The following VPS13D variants were observed in gnomAD, a reference collection of about 807,000 sequenced individuals.
The protein encoded by VPS13D is intermembrane lipid transfer protein VPS13D.
Under a neutral mutation model 461.9 loss-of-function variants are expected in VPS13D, and 187 were observed. The observed-to-expected ratio is 0.40, with a 90% CI of 0.36 to 0.46. The LOEUF (loss-of-function observed/expected upper bound fraction) is 0.46. VPS13D is among the 20% of genes least tolerant of loss of function. The pLI, the probability that VPS13D is intolerant of heterozygous loss-of-function variation, is 0.60. For missense variants in VPS13D, 4,711 were observed against 5,364.9 expected (o/e 0.88, Z 3.81); for synonymous variants, 1,951 against 1,986.3 (o/e 0.98, Z 0.47).
At chr1:12,446,330 T>C (rs1202704138) in intron 65 of VPS13D, among the ~76,000 whole-genome samples, 1 of 151,806 alleles carries the variant, frequency 6.6e-6, no homozygotes, top group Non-Finnish European at 1.5e-5. Flanking sequence ...GGCAGGAGAA[T>C]TGCTTGACCC....
intron 20 of VPS13D, among the ~76,000 whole-genome samples, chr1:12,281,645 T>C (rs1056655972): frequency 1.3e-5 from 2 of 152,188 alleles, no homozygotes; most frequent in Non-Finnish European, 2.9e-5. Context: ...CTTTTTTCTC[T>C]CTTATTGATG....
intron 3 of VPS13D, 28 bp from the exon 4 acceptor site, chr1:12,244,218 G>T: frequency 6.3e-7 from 1 of 1,587,230 alleles, no homozygotes; most frequent in Non-Finnish European, 8.6e-7. Flanking sequence ...TGTACAGATG[G>T]TGAACAAGAC....
rs77178942 is a variant in VPS13D, at chr1:12,330,102, T to C, written c.8287+184T>C. On this transcript the variant is annotated intron_variant, in intron 37 of 69. Transcript: ENST00000620676. ...GATTTTCTGTTGTGCTAAAAACATA[T>C]CTGATATGTTGCAACTAAAAAGATG... is the stretch of plus-strand genomic sequence containing the variant. Among the ~76,000 whole-genome samples, 4,338 of 152,206 alleles carry C rather than the reference T, an allele frequency of 0.029. 113 individuals are homozygous for C. Among genetic ancestry groups the C allele is most frequent in the African/African-American group, 0.062 (2,579 of 41,544 alleles).
At chr1:12,363,329 TG>T in intron 52 of VPS13D, 82 bp downstream of exon 52, 2 of 1,429,132 alleles carry the variant, frequency 1.4e-6, no homozygotes, top group Non-Finnish European at 1.9e-6. Context: ...TTGTGTAAAA[TG>T]GGCACAAATA....
At position 12,473,980 on chromosome 1, in the gene VPS13D, G is replaced by A. The variant is rs1645596904; in HGVS notation, c.12662+13584G>A. ...CTTGCTCTGAACCCACTTGTGAAGA[G>A]CAGGTGACCCCAAACTATTGTTAGT... On this transcript the variant is annotated intron_variant, in intron 67 of 69. Coordinates refer to ENST00000620676, the MANE Select transcript of VPS13D (RefSeq NM_015378.4). This position sits in a 1 kb window ranked among gnomAD's most constrained non-coding sequence, Gnocchi z 4.2. Among the ~76,000 whole-genome samples the A allele has an allele frequency of 6.6e-6, 1 of 152,204 alleles. No individual in the cohort carries two copies. The highest frequency in any genetic ancestry group is 2.4e-5 in the African/African-American group (1 of 41,448).
chr1:12,304,853 A>T (rs1011051145), intron 26 of VPS13D, 125 bp downstream of exon 26: 1 of 952,064 alleles, frequency 1.1e-6, no homozygotes, highest in Non-Finnish European at 1.6e-6. Flanking sequence ...TTCTTTAACG[A>T]TGATGAGATT....
At position 12,383,039 on chromosome 1, in the gene VPS13D, A is replaced by C. The variant is rs768778350; in HGVS notation, c.11254A>C (p.Met3752Leu). ...AEVVLGPDTS[M>L]ELLGPVPPEQ... is the part of the protein sequence containing the mutation. ...AGTTGTTCTTGGTCCTGACACTTCC[A>C]TGGAGCTTTTGGGGCCAGTTCCACC... The change falls in exon 58 of 70, where the codon ATG (methionine) becomes CTG (leucine). Residue 3752 changes from methionine (M) to leucine (L), a missense_variant. This residue lies in a region of VPS13D where 4,411 missense variants were observed against 4,937.8 expected (regional missense o/e 0.89). Coordinates refer to ENST00000620676, the MANE Select transcript of VPS13D (RefSeq NM_015378.4). 1.1e-5 allele frequency: 17 copies of C among 1,614,182 alleles called. No homozygotes were observed. The South Asian group carries it at 1.8e-4, about 17-fold the overall frequency.
intron 62 of VPS13D, chr1:12,402,753 T>C (rs1272196212): frequency 6.6e-6 from 1 of 152,244 alleles, no homozygotes; most frequent in East Asian, 1.9e-4. Context: ...TTAAATTTGA[T>C]TCGACATGCT....
At chr1:12,478,715 A>T in intron 67 of VPS13D, 1 of 449,242 alleles carries the variant, frequency 2.2e-6, no homozygotes, top group Non-Finnish European at 4.5e-6. Context: ...CTCTCTGGAG[A>T]AGCAAAGCAG....
chr1:12,438,870 C>T (rs1018001807), intron 65 of VPS13D, among the ~76,000 whole-genome samples: 10 of 152,238 alleles, frequency 6.6e-5, no homozygotes, highest in African/African-American at 2.2e-4. Flanking sequence ...TCTTCTCCAT[C>T]TCCTTTCTGC....
At chr1:12,484,005 A>T (rs558613061) in intron 67 of VPS13D, among the ~76,000 whole-genome samples, 11 of 152,006 alleles carry the variant, frequency 7.2e-5, no homozygotes, top group East Asian at 3.9e-4. Flanking sequence ...TCAAAAAAAA[A>T]AAAATAAAAA....
intron 40 of VPS13D, among the ~76,000 whole-genome samples, chr1:12,340,940 C>T (rs1355087318): frequency 6.6e-6 from 1 of 152,190 alleles, no homozygotes; most frequent in Admixed American, 6.5e-5. Flanking sequence ...CATGTGGAAC[C>T]ACATAGCATG....
intron 55 of VPS13D, among the ~76,000 whole-genome samples, chr1:12,374,467 ATGTTGATTTGT>A (rs1173106695): frequency 2.0e-5 from 3 of 152,170 alleles, no homozygotes; most frequent in Non-Finnish European, 4.4e-5. Flanking sequence ...TGGGGCTGTG[ATGTTGATTTGT>A]CCCCTTACTG....
intron 2 of VPS13D, among the ~76,000 whole-genome samples, chr1:12,236,925 A>G (rs1569624334): frequency 6.6e-6 from 1 of 152,114 alleles, no homozygotes; most frequent in Non-Finnish European, 1.5e-5. Flanking sequence ...TAAGAAATTA[A>G]TGTGGGTCAG....
chr1:12,485,885 G>A (rs2100504141), intron 67 of VPS13D, among the ~76,000 whole-genome samples: 1 of 152,222 alleles, frequency 6.6e-6, no homozygotes, highest in Middle Eastern at 3.4e-3. Context: ...CGCAGCACCA[G>A]GCAGAAATGT....
In VPS13D at chr1:12,511,042, T is replaced by C. The variant is rs1458797093; in HGVS notation, c.*2018T>C. 6.6e-6 allele frequency: 1 copy of C among 152,188 alleles called. No individual in the cohort carries two copies. The highest frequency in any genetic ancestry group is 1.5e-5 in the Non-Finnish European group (1 of 68,034). 9.4% of individuals were successfully genotyped at this position (152,188 alleles called of 1,614,324 possible). A position where few individuals can be genotyped will look rare whatever the true frequency, so the allele number is the denominator to read the frequency against. Reference sequence around the variant, plus strand: ...AAGGAGTTTAGTGTTACTAAGAAAATCTGCTTTGGGCCGCAGCAGTGCTGG... The same window carrying C: ...AAGGAGTTTAGTGTTACTAAGAAAACCTGCTTTGGGCCGCAGCAGTGCTGG... On this transcript the variant is annotated 3_prime_UTR_variant, in exon 70 of 70. Transcript: ENST00000620676. The surrounding 1 kb of genome is among the most constrained non-coding windows in gnomAD (Gnocchi z 4.5).
At position 12,258,113 on chromosome 1, in the gene VPS13D, C is replaced by T; in HGVS notation, c.1110+10C>T. ...GTCCACAGATGACAAGGTAAGTGGA[C>T]TGTGGTCTTGTGTTTCTTGTCTTAT... On this transcript the variant is annotated intron_variant, in intron 10 of 69. Transcript: ENST00000620676. 3 of 1,613,494 alleles carry T rather than the reference C, an allele frequency of 1.9e-6. No homozygotes were observed. In the East Asian group the frequency reaches 6.7e-5, roughly 36 times the overall value.
intron 10 of VPS13D, among the ~76,000 whole-genome samples, chr1:12,259,251 G>A (rs985734105): frequency 2.6e-5 from 4 of 151,092 alleles, no homozygotes; most frequent in Admixed American, 1.3e-4. Context: ...TGCCCAGGCT[G>A]GTGTTGAACT....
chr1:12,247,703 A>G (rs1296115248), intron 5 of VPS13D, among the ~76,000 whole-genome samples: 1 of 131,326 alleles, frequency 7.6e-6, no homozygotes, highest in African/African-American at 2.8e-5. Flanking sequence ...CTTTGCCACA[A>G]TTTTTTTTTT....
Sources: gnomAD v4.1 joint callset for allele counts (sites outside exome capture counted in the v4.1 genomes callset) on GRCh38, gnomAD v4.1.1 for gene constraint, gnomAD v4.1.1 regional missense constraint, Gnocchi (gnomAD v3.1) non-coding constraint, MANE v1.5 for transcripts, NCBI Gene and HGNC (gene_info 2026-07-23, HGNC 2026-07-21) for gene names.